The following NAV2 variants were observed in gnomAD, a reference collection of about 807,000 sequenced individuals.
NAV2 encodes helicase, APC down-regulated 1.
A neutral mutation model predicts 223.2 loss-of-function variants in NAV2; 54 were observed. The observed-to-expected ratio is 0.24, with a 90% CI of 0.19 to 0.30. The LOEUF is 0.30. Among genes scored for constraint, NAV2 ranks in the 10% least tolerant of loss-of-function variants. NAV2 has a pLI of 1.00. For missense variants in NAV2, 2,806 were observed against 3,147.5 expected (o/e 0.89, Z 2.60); for synonymous variants, 1,279 against 1,239.3 (o/e 1.03, Z -0.67).
At chr11:19,626,540 A>T (rs1397252430) in intron 1 of NAV2, among the ~76,000 whole-genome samples, 1 of 152,164 alleles carries the variant, frequency 6.6e-6, no homozygotes, top group African/African-American at 2.4e-5. Flanking sequence ...CAAATTTTAG[A>T]ACTTTTTTTC....
chr11:19,950,852 G>A (rs553808484), intron 10 of NAV2, among the ~76,000 whole-genome samples: 2 of 152,322 alleles, frequency 1.3e-5, no homozygotes, highest in African/African-American at 4.8e-5. Context: ...TTATGCTTAG[G>A]TTCTACAAAG....
rs564256428 is a variant in NAV2 at position 20,038,015 on chromosome 11, G to T, written c.2907+1918G>T. On this transcript the variant is annotated intron_variant, in intron 12 of 37. Coordinates refer to ENST00000349880, the MANE Select transcript of NAV2 (RefSeq NM_145117.5). ...AGAGATCCATGAGGTTTCCATTTTT[G>T]ACTTACAAGGTAGGAGAAGCTTGCT... Among the ~76,000 whole-genome samples, 3 of 152,236 alleles carry T rather than the reference G, an allele frequency of 2.0e-5. No homozygotes were observed. The South Asian group carries it at 6.2e-4, about 32-fold the overall frequency.
chr11:19,367,041 G>A (rs995503260), intron 1 of NAV2, among the ~76,000 whole-genome samples: 4 of 152,164 alleles, frequency 2.6e-5, no homozygotes, highest in African/African-American at 9.7e-5. Flanking sequence ...ATGCAGACAA[G>A]TACACTGAGG....
At chr11:19,459,039 G>C (rs1409745037) in intron 1 of NAV2, among the ~76,000 whole-genome samples, 1 of 152,242 alleles carries the variant, frequency 6.6e-6, no homozygotes, top group Non-Finnish European at 1.5e-5. Flanking sequence ...GTGGGAAGGC[G>C]GGCTGGGGTC....
At chr11:19,895,401 T>A (rs1309631482) in intron 6 of NAV2, among the ~76,000 whole-genome samples, 1 of 152,162 alleles carries the variant, frequency 6.6e-6, no homozygotes, top group Non-Finnish European at 1.5e-5. Context: ...GTACCTGATC[T>A]TTACAAATAT....
chr11:19,806,749 C>G (rs1029662212), intron 1 of NAV2, among the ~76,000 whole-genome samples: 1 of 152,160 alleles, frequency 6.6e-6, no homozygotes, highest in African/African-American at 2.4e-5. Context: ...AGAGACCCTC[C>G]TTTTTGGGGA....
At chr11:19,486,335 G>A (rs2042445013) in intron 1 of NAV2, among the ~76,000 whole-genome samples, 2 of 152,096 alleles carry the variant, frequency 1.3e-5, no homozygotes, top group African/African-American at 2.4e-5. Context: ...CAATCCTTCA[G>A]GCCTTTGGTC....
At chr11:19,414,494 T>C (rs1271976724) in intron 1 of NAV2, among the ~76,000 whole-genome samples, 1 of 152,150 alleles carries the variant, frequency 6.6e-6, no homozygotes, top group Non-Finnish European at 1.5e-5. Flanking sequence ...ACAATAATAG[T>C]GGGAGATTTT....
chr11:20,060,448 A>G (rs1171941047), intron 19 of NAV2, among the ~76,000 whole-genome samples: 1 of 152,266 alleles, frequency 6.6e-6, no homozygotes, highest in Non-Finnish European at 1.5e-5. Flanking sequence ...GGCCATTAAC[A>G]CCTTAACCTG....
chr11:19,872,943 C>T (rs958235084), intron 4 of NAV2, among the ~76,000 whole-genome samples: 3 of 152,170 alleles, frequency 2.0e-5, no homozygotes, highest in Non-Finnish European at 4.4e-5. Flanking sequence ...CTCCCTTTGC[C>T]CTGGGGTGGT....
intron 10 of NAV2, among the ~76,000 whole-genome samples, chr11:19,982,424 C>T (rs530865647): frequency 6.6e-5 from 10 of 152,192 alleles, no homozygotes; most frequent in East Asian, 1.9e-4. Context: ...GTGCATGCCA[C>T]GTGCCCGGCT....
At chr11:19,834,140 T>C (rs570756659) in intron 2 of NAV2, among the ~76,000 whole-genome samples, 2 of 152,376 alleles carry the variant, frequency 1.3e-5, no homozygotes, top group East Asian at 1.9e-4. Context: ...GGGGTCGCTG[T>C]AAAGTCTGTC....
At chr11:19,388,481 T>C (rs746239816) in intron 1 of NAV2, among the ~76,000 whole-genome samples, 1 of 152,208 alleles carries the variant, frequency 6.6e-6, no homozygotes, top group Non-Finnish European at 1.5e-5. Context: ...AAAACACCCA[T>C]GTAATACATA....
intron 1 of NAV2, among the ~76,000 whole-genome samples, chr11:19,410,215 G>C (rs898479982): frequency 3.9e-5 from 6 of 152,146 alleles, no homozygotes; most frequent in African/African-American, 1.4e-4. Flanking sequence ...TATAAAGGTG[G>C]CAAACTTTTT....
intron 5 of NAV2, among the ~76,000 whole-genome samples, chr11:19,892,085 A>G (rs754619312): frequency 6.6e-6 from 1 of 152,094 alleles, no homozygotes; most frequent in African/African-American, 2.4e-5. Flanking sequence ...CAGCTTCCCA[A>G]TTAGCTGGGA....
At chr11:19,911,877 C>T (rs908333378) in intron 6 of NAV2, among the ~76,000 whole-genome samples, 8 of 152,128 alleles carry the variant, frequency 5.3e-5, no homozygotes, top group African/African-American at 1.9e-4. Context: ...ATGGGGAAAC[C>T]TGAGAGAGCT....
intron 1 of NAV2, among the ~76,000 whole-genome samples, chr11:19,485,749 G>T (rs1342093523): frequency 6.6e-6 from 1 of 151,836 alleles, no homozygotes; most frequent in South Asian, 2.1e-4. Context: ...TAAAAGGAAA[G>T]AAAGAGACCA....
At chr11:19,925,438 A>C (rs981325422) in intron 6 of NAV2, among the ~76,000 whole-genome samples, 5 of 152,136 alleles carry the variant, frequency 3.3e-5, no homozygotes, top group African/African-American at 1.2e-4. Context: ...TTTTGAGTTA[A>C]TCTTTGCATA....
chr11:19,869,280 T>C (rs1295454463), intron 4 of NAV2, among the ~76,000 whole-genome samples: 1 of 152,194 alleles, frequency 6.6e-6, no homozygotes, highest in Non-Finnish European at 1.5e-5. Flanking sequence ...GCTGATTTGA[T>C]TCACCTGTCT....
Sources: gnomAD v4.1 joint callset for allele counts (sites outside exome capture counted in the v4.1 genomes callset) on GRCh38, gnomAD v4.1.1 for gene constraint, MANE v1.5 for transcripts, NCBI Gene and HGNC (gene_info 2026-07-23, HGNC 2026-07-21) for gene names.